Variants in AGXT2 observed in about 807,000 individuals in gnomAD.
The protein encoded by AGXT2 is alanine--glyoxylate aminotransferase 2, mitochondrial.
A neutral mutation model predicts 62.5 loss-of-function variants in AGXT2; 61 were observed. That is an observed-to-expected ratio of 0.98 (90% CI 0.79 to 1.21). The LOEUF (loss-of-function observed/expected upper bound fraction) is 1.21. Ranked by LOEUF, AGXT2 falls within the 50% of genes most tolerant of loss-of-function variation. The pLI, the probability that AGXT2 is intolerant of heterozygous loss-of-function variation, is 0.00. For missense variants in AGXT2, 666 were observed against 641.5 expected, an observed-to-expected ratio of 1.04 and a Z score of -0.41; for synonymous variants, 243 against 218.7, an observed-to-expected ratio of 1.11 and a Z score of -0.98.
At chr5:35,020,354 A>G (rs1767021328) in intron 9 of AGXT2, among the ~76,000 whole-genome samples, 1 of 152,234 alleles carries the variant, frequency 6.6e-6, no homozygotes, top group South Asian at 2.1e-4. Flanking sequence ...ATCCAGCAGC[A>G]CATCAAAAAG....
At chr5:35,032,684 CCTTCCAA>C in intron 7 of AGXT2, 41 bp downstream of exon 7, 1 of 1,476,870 alleles carries the variant, frequency 6.8e-7, no homozygotes, top group Non-Finnish European at 9.3e-7. Flanking sequence ...TATTCGTGTC[CCTTCCAA>C]CTTCCAACAC....
intron 12 of AGXT2, 121 bp from the exon 13 acceptor site, chr5:35,003,982 CCT>C (rs1766332606): frequency 2.4e-6 from 2 of 847,128 alleles, no homozygotes; most frequent in African/African-American, 3.4e-5. Context: ...TTTCTCTCTC[CCT>C]CTTTCTCTCT....
intron 1 of AGXT2, among the ~76,000 whole-genome samples, chr5:35,042,121 T>G (rs1216011108): frequency 6.6e-6 from 1 of 152,172 alleles, no homozygotes; most frequent in South Asian, 2.1e-4. Context: ...GAGTTGCCCA[T>G]TGAGGAGGTT....
At chr5:35,031,683 C>G (rs2112260663) in intron 7 of AGXT2, among the ~76,000 whole-genome samples, 1 of 152,280 alleles carries the variant, frequency 6.6e-6, no homozygotes, top group East Asian at 1.9e-4. Context: ...TGGAAGTTCT[C>G]CTTGTGAGAA....
chr5:35,031,650 C>T lies in AGXT2; in HGVS notation c.769+1082G>A, dbSNP rs372104132. Among the ~76,000 whole-genome samples, 11 of 152,260 alleles carry T rather than the reference C, an allele frequency of 7.2e-5. No homozygotes were observed. The East Asian group carries it at 1.5e-3, about 21-fold the overall frequency. On this transcript the variant is annotated intron_variant, in intron 7 of 13. Coordinates refer to ENST00000231420, the MANE Select transcript of AGXT2 (RefSeq NM_031900.4). ...TCCTGTTAAGCGTAGGTAAAGAATG[C>T]GAATAAAAATGTGATTGGTAAATGG...
chr5:35,047,886 G>C lies in AGXT2; in HGVS notation c.7C>G (p.Leu3Val), dbSNP rs1359341263. 3 of 1,614,036 alleles carry C rather than the reference G, an allele frequency of 1.9e-6. No individual in the cohort carries two copies. Residue 3 changes from leucine to valine, a missense_variant, in exon 1 of 14, where the codon CTA becomes GTA. Physicochemically the swap from Leu to Val is conservative, Grantham distance 32 (BLOSUM62 1). Coordinates refer to ENST00000231420, the MANE Select transcript of AGXT2 (RefSeq NM_031900.4). ...GGTCTCAGCAAATGTCTCCAGATTA[G>C]AGTCATTTCTCCCACTCAGAAAGCC... MT[L>V]IWRHLLRPLC...
Position 35,047,861 on chromosome 5 carries a change from G to T in AGXT2, c.32C>A (p.Pro11His). Residue 11 changes from proline to histidine, a missense_variant, in exon 1 of 14, where the codon CCC (proline) becomes CAC (histidine). Physicochemically the swap from Pro to His is moderately conservative, Grantham distance 77. Coordinates refer to ENST00000231420, the MANE Select transcript of AGXT2 (RefSeq NM_031900.4). MTLIWRHLLR[P>H]LCLVTSAPRI... Reference sequence around the variant, plus strand: ...GGGAGCGGAAGTGACCAGGCACAAGGGTCTCAGCAAATGTCTCCAGATTAG... The same window carrying T: ...GGGAGCGGAAGTGACCAGGCACAAGTGTCTCAGCAAATGTCTCCAGATTAG... 1 of 1,614,052 alleles carries T rather than the reference G, an allele frequency of 6.2e-7. No homozygotes were observed. Among genetic ancestry groups the T allele is most frequent in the Non-Finnish European group, 8.5e-7 (1 of 1,179,992 alleles).
chr5:35,028,558 TGAGAGAGAGAGAGAGAGAGA>T (rs541190371), intron 7 of AGXT2, among the ~76,000 whole-genome samples: 241 of 10,594 alleles, frequency 0.023, 2 homozygotes, highest in African/African-American at 0.05. Flanking sequence ...GCAGGAAAGG[TGAGAGAGAGAGAGAGAGAGA>T]GAGAGAGAGA....
chr5:35,016,074 G>T (rs1433329729), intron 9 of AGXT2, among the ~76,000 whole-genome samples: 1 of 152,098 alleles, frequency 6.6e-6, no homozygotes, highest in African/African-American at 2.4e-5. Context: ...TGAGCCTCTG[G>T]GCAGCTGATT....
intron 12 of AGXT2, among the ~76,000 whole-genome samples, chr5:35,005,184 C>T (rs1160681742): frequency 1.3e-5 from 2 of 151,902 alleles, no homozygotes; most frequent in African/African-American, 2.4e-5. Flanking sequence ...GAGAGTAATC[C>T]GGAGGGAAGG....
At chr5:35,026,199 A>T (rs371400153) in intron 8 of AGXT2, 2 of 614,408 alleles carry the variant, frequency 3.3e-6, no homozygotes. Flanking sequence ...GGAGTTCGGT[A>T]GTTTCATCTG....
chr5:35,025,706 C>CCTGT, intron 9 of AGXT2, 57 bp downstream of exon 9: 1 of 1,556,196 alleles, frequency 6.4e-7, no homozygotes, highest in East Asian at 2.2e-5. Flanking sequence ...TAGGAGGTTT[C>CCTGT]TGTCTGTGCA....
chr5:35,007,314 T>C (rs1160514645), intron 12 of AGXT2, among the ~76,000 whole-genome samples: 1 of 152,236 alleles, frequency 6.6e-6, no homozygotes, highest in Non-Finnish European at 1.5e-5. Context: ...GTTTATAAGA[T>C]ATCCAATCTA....
intron 1 of AGXT2, among the ~76,000 whole-genome samples, chr5:35,044,527 G>T (rs775071478): frequency 6.6e-6 from 1 of 152,236 alleles, no homozygotes; most frequent in African/African-American, 2.4e-5. Context: ...GCTAAGCAAA[G>T]CTGCTAAGAG....
chr5:35,047,096 C>T (rs532293342), intron 1 of AGXT2, among the ~76,000 whole-genome samples: 2 of 152,298 alleles, frequency 1.3e-5, no homozygotes, highest in East Asian at 3.9e-4. Flanking sequence ...CGTGGTCTCA[C>T]TTCCTAGAGG....
chr5:35,026,549 A>C, intron 7 of AGXT2, 39 bp from the exon 8 acceptor site: 1 of 1,540,856 alleles, frequency 6.5e-7, no homozygotes, highest in East Asian at 2.3e-5. Context: ...AAACCACAGC[A>C]TTTGAAAATG....
At chr5:35,023,785 A>T (rs1166488542) in intron 9 of AGXT2, among the ~76,000 whole-genome samples, 4 of 152,284 alleles carry the variant, frequency 2.6e-5, no homozygotes, top group Non-Finnish European at 5.9e-5. Context: ...ACACCTGGGC[A>T]TAACAGAGAC....
At chr5:35,038,424 C>G (rs1193973979) in intron 3 of AGXT2, among the ~76,000 whole-genome samples, 2 of 152,020 alleles carry the variant, frequency 1.3e-5, no homozygotes, top group African/African-American at 4.8e-5. Context: ...TATGTTTGTC[C>G]TACGTTTGAA....
chr5:35,011,492 T>A (rs1417375774), intron 11 of AGXT2, among the ~76,000 whole-genome samples: 1 of 150,868 alleles, frequency 6.6e-6, no homozygotes, highest in Non-Finnish European at 1.5e-5. Flanking sequence ...TGGCAATGTC[T>A]ACAAAGTGAA....
Sources: allele counts gnomAD v4.1 joint callset (sites outside exome capture counted in the v4.1 genomes callset), GRCh38; gene constraint gnomAD v4.1.1; transcripts MANE v1.5; gene names NCBI Gene and HGNC (gene_info 2026-07-23, HGNC 2026-07-21).